LAMA2: variants seen among roughly 807,000 people sequenced by gnomAD.
The protein encoded by LAMA2 is laminin subunit alpha-2.
In LAMA2, 269 loss-of-function variants were observed where a neutral mutation model predicts 364.8. That is an observed-to-expected ratio of 0.74 (90% CI 0.67 to 0.82). The LOEUF is 0.82. Ranked by LOEUF, LAMA2 falls within the 40% of genes least tolerant of loss-of-function variation. The probability of loss-of-function intolerance (pLI) is 0.00; values close to 1 mark genes in which losing one functional copy is unlikely to be tolerated. For synonymous variants in LAMA2, 1,379 were observed against 1,370.6 expected (o/e 1.01, Z -0.14); for missense variants, 3,807 against 3,873.2 (o/e 0.98, Z 0.45).
intron 47 of LAMA2, among the ~76,000 whole-genome samples, chr6:129,454,675 A>G (rs1333604501): frequency 6.6e-6 from 1 of 152,210 alleles, no homozygotes; most frequent in Non-Finnish European, 1.5e-5. Flanking sequence ...TTTAGTCTAC[A>G]TAGCCACCAT....
intron 32 of LAMA2, among the ~76,000 whole-genome samples, chr6:129,359,032 G>GT (rs1335273861): frequency 1.3e-5 from 2 of 151,810 alleles, no homozygotes; most frequent in Admixed American, 1.3e-4. Flanking sequence ...GATATGAATG[G>GT]TACTTACCTC....
At chr6:128,925,875 G>A (rs1262253527) in intron 1 of LAMA2, among the ~76,000 whole-genome samples, 1 of 151,800 alleles carries the variant, frequency 6.6e-6, no homozygotes, top group East Asian at 1.9e-4. Flanking sequence ...GTTCAACAAT[G>A]TCTCAGTCTT....
chr6:129,503,124 T>C lies in LAMA2; in HGVS notation c.8391T>C (p.Ala2797=), dbSNP rs1389908082. 2 of 1,614,078 alleles carry C rather than the reference T, an allele frequency of 1.2e-6. No individual in the cohort carries two copies. The highest frequency in any genetic ancestry group is 2.7e-5 in the African/African-American group (2 of 74,946). The part of the protein sequence containing the change: ...LTIELEVRTE[A]ESGLLFYMAR... Reference sequence around the variant, plus strand: ...TTGAGTTGGAAGTAAGAACCGAAGCTGAATCCGGCTTGCTTTTTTACATGG... The same window carrying C: ...TTGAGTTGGAAGTAAGAACCGAAGCCGAATCCGGCTTGCTTTTTTACATGG... The change falls in exon 60 of 65, where the codon GCT becomes GCC. Residue 2797 remains alanine (A), a synonymous_variant. Coordinates refer to ENST00000421865, the MANE Select transcript of LAMA2 (RefSeq NM_000426.4).
At position 129,061,610 on chromosome 6, in the gene LAMA2, A is replaced by G. The variant is rs73773660; in HGVS notation, c.396+1714A>G. ...TGATATTTTCCTAAATTTACTTTGC[A>G]TACTCACTCATCCATTCCCACACAG... On this transcript the variant is annotated intron_variant, in intron 3 of 64. Transcript: ENST00000421865. Among the ~76,000 whole-genome samples, 1,024 of 152,312 alleles carry G rather than the reference A, an allele frequency of 6.7e-3. 7 individuals are homozygous for G. The highest frequency in any genetic ancestry group is 0.023 in the African/African-American group (967 of 41,562).
chr6:129,492,483 T>TGTAA lies in LAMA2; in HGVS notation c.8244+3_8244+6dup, dbSNP rs746678525. On this transcript the variant is annotated frameshift_variant and splice_region_variant. Transcript: ENST00000421865. LOFTEE classifies it high-confidence loss of function. ...CTACGCCCACCCCAGTTCTGACACA[T>TGTAA]GTAAGTGTTTATATTATCCCCATTG... The TGTAA allele has an allele frequency of 6.2e-7, 1 of 1,603,764 alleles. No individual in the cohort carries two copies. The highest frequency in any genetic ancestry group is 8.5e-7 in the Non-Finnish European group (1 of 1,171,580).
chr6:129,507,319 A>C (rs1786170203), intron 61 of LAMA2, among the ~76,000 whole-genome samples, 170 bp from the exon 62 acceptor site: 1 of 152,196 alleles, frequency 6.6e-6, no homozygotes, highest in African/African-American at 2.4e-5. Context: ...TTCTGCATCC[A>C]TGCCAGGAGG....
At chr6:129,512,209 G>A (rs1192634612) in intron 62 of LAMA2, among the ~76,000 whole-genome samples, 154 bp from the exon 63 acceptor site, 1 of 152,100 alleles carries the variant, frequency 6.6e-6, no homozygotes, top group Admixed American at 6.6e-5. Context: ...ATGCAGTGGT[G>A]GAAGATAGGC....
intron 41 of LAMA2, among the ~76,000 whole-genome samples, chr6:129,436,503 C>CTT (rs141471984): frequency 1.3e-5 from 2 of 151,838 alleles, no homozygotes; most frequent in African/African-American, 4.8e-5. Flanking sequence ...TTCCCCCCTC[C>CTT]TTTTTTTTAT....
At chr6:129,306,051 T>C (rs893631218) in intron 22 of LAMA2, among the ~76,000 whole-genome samples, 4 of 152,042 alleles carry the variant, frequency 2.6e-5, no homozygotes, top group Non-Finnish European at 4.4e-5. Context: ...CTTTGTACTA[T>C]ATTGTCATAT....
At chr6:129,040,816 G>C (rs1448163340) in intron 1 of LAMA2, among the ~76,000 whole-genome samples, 1 of 152,130 alleles carries the variant, frequency 6.6e-6, no homozygotes, top group Non-Finnish European at 1.5e-5. Context: ...CTTGCAAAAA[G>C]GAGTACTTTC....
At chr6:128,913,764 G>A (rs1778130250) in intron 1 of LAMA2, among the ~76,000 whole-genome samples, 1 of 152,154 alleles carries the variant, frequency 6.6e-6, no homozygotes, top group Non-Finnish European at 1.5e-5. Flanking sequence ...ATATTTTTAT[G>A]TAGTGGAATT....
chr6:129,231,206 T>C (rs1784649375), intron 12 of LAMA2, among the ~76,000 whole-genome samples: 1 of 152,114 alleles, frequency 6.6e-6, no homozygotes, highest in African/African-American at 2.4e-5. Context: ...AATCTGAACA[T>C]CTATTTATTA....
At chr6:128,947,539 T>C (rs1243807027) in intron 1 of LAMA2, among the ~76,000 whole-genome samples, 2 of 152,182 alleles carry the variant, frequency 1.3e-5, no homozygotes, top group Admixed American at 1.3e-4. Context: ...GGAAAGAGGT[T>C]GGAAGTAATT....
chr6:129,475,407 A>G lies in LAMA2; in HGVS notation c.7451+6A>G, dbSNP rs1167494261. ...TTATCTAGTATGAAAGCAAGGTAAA[A>G]TTTAAATTTATGCATGCCTTCTTCG... On this transcript the variant is annotated splice_donor_region_variant and intron_variant, in intron 53 of 64. Coordinates refer to ENST00000421865, the MANE Select transcript of LAMA2 (RefSeq NM_000426.4). 2 of 1,572,654 alleles carry G rather than the reference A, an allele frequency of 1.3e-6. No individual in the cohort carries two copies. The highest frequency in any genetic ancestry group is 1.7e-6 in the Non-Finnish European group (2 of 1,151,798).
chr6:129,227,649 GCTGAACAGCAAATGTTGCCGC>G (rs1391535133), intron 12 of LAMA2, among the ~76,000 whole-genome samples: 2 of 152,156 alleles, frequency 1.3e-5, no homozygotes, highest in African/African-American at 4.8e-5. Context: ...AGCAGATATT[GCTGAACAGCAAATGTTGCCGC>G]CTGATCGTTC....
At chr6:128,949,898 A>G (rs1460454549) in intron 1 of LAMA2, among the ~76,000 whole-genome samples, 2 of 152,192 alleles carry the variant, frequency 1.3e-5, no homozygotes, top group South Asian at 2.1e-4. Context: ...TTTTAATTTT[A>G]ACTAGACGAT....
chr6:129,442,409 T>C lies in LAMA2; in HGVS notation c.6269-654T>C, dbSNP rs145656930. Among the ~76,000 whole-genome samples the C allele has an allele frequency of 5.6e-3, 855 of 152,312 alleles. 41 individuals carry two copies. Among genetic ancestry groups the C allele is most frequent in the Admixed American group, 0.052 (789 of 15,294 alleles). On this transcript the variant is annotated intron_variant, in intron 43 of 64. Transcript: ENST00000421865. ...CTTCTCTTGTAGCTCAAAGTTTACATAATAACTTCTTATGATTTATGCCAA... is the reference window on the plus strand; with the variant it reads ...CTTCTCTTGTAGCTCAAAGTTTACACAATAACTTCTTATGATTTATGCCAA...
chr6:129,021,560 T>C (rs1582885796), intron 1 of LAMA2, among the ~76,000 whole-genome samples: 1 of 152,286 alleles, frequency 6.6e-6, no homozygotes, highest in East Asian at 1.9e-4. Flanking sequence ...ATATAGAGTG[T>C]AGTTATTTTC....
chr6:128,898,985 C>T (rs559542162), intron 1 of LAMA2, among the ~76,000 whole-genome samples: 6 of 152,170 alleles, frequency 3.9e-5, no homozygotes, highest in Admixed American at 2.0e-4. Flanking sequence ...CTTACAGAGG[C>T]CTTTCCAGAG....
Sources: allele counts gnomAD v4.1 joint callset (sites outside exome capture counted in the v4.1 genomes callset), GRCh38; gene constraint gnomAD v4.1.1; transcripts MANE v1.5; gene names NCBI Gene and HGNC (gene_info 2026-07-23, HGNC 2026-07-21).